Variants in MEIS2 observed in about 807,000 individuals in gnomAD.
MEIS2 encodes Meis homeobox 2.
In MEIS2, 9 loss-of-function variants were observed where a neutral mutation model predicts 58.6. The ratio of observed to expected loss-of-function variants is 0.15; its 90% confidence interval spans 0.09 to 0.27. The LOEUF (loss-of-function observed/expected upper bound fraction) is 0.27, where lower values mean the gene tolerates loss of function less well. Among genes scored for constraint, MEIS2 ranks in the 10% least tolerant of loss-of-function variants. The probability of loss-of-function intolerance (pLI) is 1.00; values close to 1 mark genes in which losing one functional copy is unlikely to be tolerated. For missense variants in MEIS2, 427 were observed against 635.0 expected (o/e 0.67, Z 3.52); for synonymous variants, 221 against 228.4 (o/e 0.97, Z 0.29).
intron 8 of MEIS2, among the ~76,000 whole-genome samples, chr15:36,994,408 T>C (rs1432547918): frequency 6.6e-6 from 1 of 152,212 alleles, no homozygotes; most frequent in Non-Finnish European, 1.5e-5. Flanking sequence ...CGGATAGTCT[T>C]AGCATATTTT....
At chr15:37,093,916 G>A (rs776432839) in intron 5 of MEIS2, 186 bp from the exon 6 acceptor site, 14 of 654,634 alleles carry the variant, frequency 2.1e-5, no homozygotes, top group Non-Finnish European at 2.8e-5. Context: ...TAGAGTAATT[G>A]TTGCAGCAGA....
At chr15:37,022,885 G>T (rs879846260) in intron 8 of MEIS2, among the ~76,000 whole-genome samples, 2 of 151,154 alleles carry the variant, frequency 1.3e-5, no homozygotes, top group Admixed American at 6.6e-5. Flanking sequence ...TTGAACTCTT[G>T]ACCTCGTGAT....
intron 9 of MEIS2, among the ~76,000 whole-genome samples, chr15:36,919,372 A>G (rs1455698966): frequency 6.6e-6 from 1 of 152,134 alleles, no homozygotes; most frequent in African/African-American, 2.4e-5. Context: ...TGAGGTCAGG[A>G]GTTTGAGACC....
intron 7 of MEIS2, among the ~76,000 whole-genome samples, chr15:37,078,660 C>A (rs547698416): frequency 3.4e-5 from 5 of 146,118 alleles, no homozygotes; most frequent in African/African-American, 1.3e-4. Flanking sequence ...CATTTTCTAC[C>A]TCTGTCCACA....
At chr15:37,048,620 T>TA (rs2062777516) in intron 7 of MEIS2, among the ~76,000 whole-genome samples, 1 of 152,066 alleles carries the variant, frequency 6.6e-6, no homozygotes. Context: ...CCAACTATTG[T>TA]AAAATGAAAA....
chr15:37,081,095 T>C (rs946453400), intron 7 of MEIS2, among the ~76,000 whole-genome samples: 28 of 152,328 alleles, frequency 1.8e-4, no homozygotes, highest in Middle Eastern at 3.4e-3. Context: ...ACATGTATTG[T>C]TTTATAGCAT....
intron 9 of MEIS2, among the ~76,000 whole-genome samples, chr15:36,919,074 G>A (rs778613177): frequency 1.3e-5 from 2 of 152,040 alleles, no homozygotes; most frequent in Admixed American, 6.6e-5. Context: ...CAGCTACTCT[G>A]CAGACTGAGG....
At chr15:36,909,891 T>C (rs12903714) in intron 9 of MEIS2, among the ~76,000 whole-genome samples, 1 of 148,834 alleles carries the variant, frequency 6.7e-6, no homozygotes, top group Admixed American at 6.7e-5. Flanking sequence ...GGATAGAGAA[T>C]AGAAAGCGAA....
At chr15:37,067,940 ATAT>A (rs544819440) in intron 7 of MEIS2, among the ~76,000 whole-genome samples, 49 of 152,244 alleles carry the variant, frequency 3.2e-4, no homozygotes, top group African/African-American at 1.2e-3. Flanking sequence ...GGTCACATGC[ATAT>A]TATTATCACT....
chr15:36,895,901 G>A (rs571146195), intron 10 of MEIS2, among the ~76,000 whole-genome samples: 64 of 152,266 alleles, frequency 4.2e-4, no homozygotes, highest in Middle Eastern at 3.4e-3. Flanking sequence ...GTTTAACACC[G>A]TTGTTAGTGG....
chr15:37,050,194 G>A (rs929849688), intron 7 of MEIS2, among the ~76,000 whole-genome samples: 8 of 151,960 alleles, frequency 5.3e-5, no homozygotes, highest in African/African-American at 1.9e-4. Flanking sequence ...TCCACAAACA[G>A]ATACACACAC....
chr15:36,896,361 C>T (rs2056175651), intron 10 of MEIS2, among the ~76,000 whole-genome samples: 1 of 152,172 alleles, frequency 6.6e-6, no homozygotes, highest in Admixed American at 6.5e-5. Context: ...AGCTCACAAA[C>T]ACGCTGCTTG....
chr15:37,078,108 C>G (rs1350975115), intron 7 of MEIS2, among the ~76,000 whole-genome samples: 1 of 152,046 alleles, frequency 6.6e-6, no homozygotes, highest in African/African-American at 2.4e-5. Flanking sequence ...CTATTCTCAG[C>G]TTTCAGTAAT....
intron 8 of MEIS2, among the ~76,000 whole-genome samples, chr15:37,020,231 G>A (rs1293668349): frequency 6.6e-6 from 1 of 152,052 alleles, no homozygotes; most frequent in African/African-American, 2.4e-5. Context: ...TCCTGAGGAG[G>A]GGTCAAGAGC....
At position 36,936,079 on chromosome 15, in the gene MEIS2, C is replaced by T. The variant is rs1481759777; in HGVS notation, c.977+14245G>A. 6.6e-5 allele frequency among the ~76,000 whole-genome samples: 10 copies of T among 151,790 alleles called. 1 individual carries two copies. Among genetic ancestry groups the T allele is most frequent in the East Asian group, 3.9e-4 (2 of 5,186 alleles). ...TTTACTTGCTCTGTCTGCATTTATT[C>T]GATAAGTATTAGGTGAGTTTCCTAC... On this transcript the variant is annotated intron_variant, in intron 9 of 11. Transcript: ENST00000561208.
chr15:37,084,200 T>C (rs1371131871), intron 6 of MEIS2, among the ~76,000 whole-genome samples: 1 of 151,400 alleles, frequency 6.6e-6, no homozygotes, highest in African/African-American at 2.4e-5. Flanking sequence ...ATTTCTAAAG[T>C]AAAAAAAAAT....
At chr15:37,097,104 T>C (rs1429193268) in intron 2 of MEIS2, among the ~76,000 whole-genome samples, 1 of 152,150 alleles carries the variant, frequency 6.6e-6, no homozygotes, top group Non-Finnish European at 1.5e-5. Context: ...CAGACAAAAA[T>C]AAATAAATCG....
chr15:37,097,330 G>A (rs1596136836), intron 2 of MEIS2: 1 of 152,296 alleles, frequency 6.6e-6, no homozygotes, highest in East Asian at 1.9e-4. Context: ...CCCTCGCCAA[G>A]TGCTCTCAGA....
chr15:37,098,417 A>AGAGAGT (rs1894641104), intron 1 of MEIS2: 2 of 1,214,042 alleles, frequency 1.6e-6, no homozygotes, highest in Non-Finnish European at 1.0e-6. Context: ...AGAGAGAGAG[A>AGAGAGT]GAGAGAGAAA....
Sources: allele counts gnomAD v4.1 joint callset (sites outside exome capture counted in the v4.1 genomes callset), GRCh38; gene constraint gnomAD v4.1.1; transcripts MANE v1.5; gene names NCBI Gene and HGNC (gene_info 2026-07-23, HGNC 2026-07-21).